Variants in SEMA6D observed in about 807,000 individuals in gnomAD.
The protein encoded by SEMA6D is semaphorin-6D.
SEMA6D carries 35 observed loss-of-function variants against 106.6 expected under a neutral mutation model. The ratio of observed to expected loss-of-function variants is 0.33; its 90% confidence interval spans 0.25 to 0.44. The LOEUF is 0.44. Ranked by LOEUF, SEMA6D falls within the 20% of genes least tolerant of loss-of-function variation. The pLI is 1.00. For missense variants in SEMA6D, 1,185 were observed against 1,345.9 expected (o/e 0.88, Z 1.87); for synonymous variants, 499 against 487.7 (o/e 1.02, Z -0.31).
intron 3 of SEMA6D, among the ~76,000 whole-genome samples, chr15:47,556,744 A>G (rs1255856395): frequency 6.6e-6 from 1 of 152,102 alleles, no homozygotes; most frequent in Admixed American, 6.6e-5. Context: ...AGTGAGCCCT[A>G]GGGAACCATA....
At chr15:47,489,268 C>T (rs2043391426) in intron 3 of SEMA6D, among the ~76,000 whole-genome samples, 2 of 152,156 alleles carry the variant, frequency 1.3e-5, no homozygotes, top group African/African-American at 2.4e-5. Flanking sequence ...TTGGAGGGGG[C>T]ACCGCCCTGC....
intron 3 of SEMA6D, among the ~76,000 whole-genome samples, chr15:47,570,643 A>C (rs2046356468): frequency 6.6e-6 from 1 of 152,180 alleles, no homozygotes; most frequent in Non-Finnish European, 1.5e-5. Context: ...GCTGCACCCC[A>C]GCAGGCCCGG....
At chr15:47,703,454 C>T (rs538489752) in intron 4 of SEMA6D, among the ~76,000 whole-genome samples, 61 of 152,032 alleles carry the variant, frequency 4.0e-4, no homozygotes, top group Admixed American at 3.6e-3. Context: ...GCCACAGTAT[C>T]AATAATAACA....
intron 3 of SEMA6D, among the ~76,000 whole-genome samples, chr15:47,586,845 G>A (rs12905212): frequency 6.8e-6 from 1 of 147,472 alleles, no homozygotes; most frequent in Non-Finnish European, 1.5e-5. Flanking sequence ...TGCTAGAACT[G>A]TATTTAAATG....
At chr15:47,666,144 A>G (rs1387985221) in intron 4 of SEMA6D, among the ~76,000 whole-genome samples, 1 of 152,222 alleles carries the variant, frequency 6.6e-6, no homozygotes, top group Non-Finnish European at 1.5e-5. Context: ...GAAATTTTGT[A>G]TGACATCTCA....
chr15:47,755,540 T>C (rs1161926514), intron 1 of SEMA6D, among the ~76,000 whole-genome samples: 1 of 152,186 alleles, frequency 6.6e-6, no homozygotes, highest in Non-Finnish European at 1.5e-5. Flanking sequence ...AATCTTATCT[T>C]TTCTGGCAAG....
chr15:47,382,580 C>T (rs1386596006), intron 1 of SEMA6D, among the ~76,000 whole-genome samples: 10 of 152,132 alleles, frequency 6.6e-5, no homozygotes, highest in Non-Finnish European at 4.4e-5. Context: ...AAACCAAGTC[C>T]GCAAACATAT....
intron 1 of SEMA6D, among the ~76,000 whole-genome samples, chr15:47,380,004 C>T (rs281258): frequency 0.47 from 71,668 of 152,018 alleles, 20,369 homozygotes; most frequent in South Asian, 0.62. Flanking sequence ...TAATCGCCTG[C>T]CTCGGCCTCC....
upstream of SEMA6D, among the ~76,000 whole-genome samples, chr15:47,713,025 G>A (rs1461358147): frequency 1.3e-5 from 2 of 152,146 alleles, no homozygotes; most frequent in African/African-American, 2.4e-5. Flanking sequence ...TTGCAAAAGA[G>A]CTAGTGTTAT....
chr15:47,332,422 C>T (rs920005752), intron 1 of SEMA6D, among the ~76,000 whole-genome samples: 5 of 152,184 alleles, frequency 3.3e-5, no homozygotes, highest in Non-Finnish European at 7.3e-5. Context: ...GACAGCTTAT[C>T]TTTAAGTTCA....
chr15:47,239,158 T>C (rs1483491492), intron 1 of SEMA6D, among the ~76,000 whole-genome samples: 1 of 152,132 alleles, frequency 6.6e-6, no homozygotes, highest in African/African-American at 2.4e-5. Context: ...ATGAACCCTA[T>C]TGTGAACTGC....
At chr15:47,614,486 C>G (rs552885574) in intron 4 of SEMA6D, among the ~76,000 whole-genome samples, 1 of 152,298 alleles carries the variant, frequency 6.6e-6, no homozygotes, top group Non-Finnish European at 1.5e-5. Context: ...TTCTTGTTCC[C>G]CTCTGAAAGA....
At chr15:47,748,908 A>G (rs1371937162) in intron 1 of SEMA6D, among the ~76,000 whole-genome samples, 1 of 152,146 alleles carries the variant, frequency 6.6e-6, no homozygotes, top group Non-Finnish European at 1.5e-5. Flanking sequence ...TGAAGAGTCA[A>G]TTCTAGACAA....
chr15:47,442,689 A>G lies in SEMA6D; in HGVS notation c.-158-27785A>G, dbSNP rs16959509. Among the ~76,000 whole-genome samples, 621 of 152,196 alleles carry G rather than the reference A, an allele frequency of 4.1e-3. 19 individuals are homozygous for G. Among genetic ancestry groups the G allele is most frequent in the Admixed American group, 0.035 (527 of 15,266 alleles). ...ACTGGAAAGTGCTATACAAGTCCAT[A>G]TTACTGTTATTTGCTCAGATCTGGA... On this transcript the variant is annotated intron_variant, in intron 2 of 19. Transcript: ENST00000558014.
chr15:47,224,277 A>C (rs1398510000), intron 1 of SEMA6D, among the ~76,000 whole-genome samples: 1 of 151,856 alleles, frequency 6.6e-6, no homozygotes, highest in Non-Finnish European at 1.5e-5. Flanking sequence ...GACCAAGTTG[A>C]ATGTTATGTC....
chr15:47,670,311 C>G (rs1164240087), intron 4 of SEMA6D, among the ~76,000 whole-genome samples: 1 of 152,186 alleles, frequency 6.6e-6, no homozygotes, highest in Non-Finnish European at 1.5e-5. Context: ...CTTACACACA[C>G]AGATGCTAAC....
intron 2 of SEMA6D, among the ~76,000 whole-genome samples, chr15:47,425,766 G>C (rs571045113): frequency 1.6e-4 from 24 of 151,542 alleles, no homozygotes; most frequent in Non-Finnish European, 2.8e-4. Context: ...CGCCTCCCAG[G>C]TTCAAGCGAG....
intron 1 of SEMA6D, among the ~76,000 whole-genome samples, chr15:47,409,723 CTAAGG>C (rs1172372115): frequency 2.0e-5 from 3 of 152,028 alleles, no homozygotes; most frequent in Admixed American, 6.6e-5. Context: ...AGAAGCCAAG[CTAAGG>C]TTAAGACCAG....
At chr15:47,288,640 A>G (rs1180177727) in intron 1 of SEMA6D, among the ~76,000 whole-genome samples, 3 of 152,166 alleles carry the variant, frequency 2.0e-5, no homozygotes, top group Non-Finnish European at 4.4e-5. Flanking sequence ...GAATGAATGC[A>G]TGAATTCATG....
Sources: gnomAD v4.1 joint callset for allele counts (sites outside exome capture counted in the v4.1 genomes callset) on GRCh38, gnomAD v4.1.1 for gene constraint, MANE v1.5 for transcripts, NCBI Gene and HGNC (gene_info 2026-07-23, HGNC 2026-07-21) for gene names.